CNTNAP4: variants seen among roughly 807,000 people sequenced by gnomAD.
The protein encoded by CNTNAP4 is contactin-associated protein-like 4.
A neutral mutation model predicts 148.4 loss-of-function variants in CNTNAP4; 98 were observed. The ratio of observed to expected loss-of-function variants is 0.66; its 90% confidence interval spans 0.56 to 0.78. The LOEUF (loss-of-function observed/expected upper bound fraction) is 0.78, where lower values mean the gene tolerates loss of function less well. Ranked by LOEUF, CNTNAP4 falls within the 30% of genes least tolerant of loss-of-function variation. The pLI is 0.00. For missense variants in CNTNAP4, 1,935 were observed against 1,565.6 expected (o/e 1.24, Z -3.98); for synonymous variants, 730 against 565.1 (o/e 1.29, Z -4.14).
chr16:76,318,951 A>G (rs564397339), intron 2 of CNTNAP4, among the ~76,000 whole-genome samples: 11 of 152,070 alleles, frequency 7.2e-5, no homozygotes, highest in Admixed American at 7.2e-4. Context: ...CTTCTTTCCT[A>G]CAGAATTATG....
At chr16:76,342,485 T>A (rs1964552668) in intron 2 of CNTNAP4, among the ~76,000 whole-genome samples, 1 of 142,812 alleles carries the variant, frequency 7.0e-6, no homozygotes, top group Non-Finnish European at 1.5e-5. Flanking sequence ...TTTTTTTTTT[T>A]TTTTTGAGAT....
At chr16:76,311,306 T>G (rs1467977910) in intron 1 of CNTNAP4, among the ~76,000 whole-genome samples, 1 of 152,148 alleles carries the variant, frequency 6.6e-6, no homozygotes, top group Admixed American at 6.6e-5. Context: ...TGAGTTTTTT[T>G]GTATATACAA....
At chr16:76,403,164 C>T (rs1266949154) in intron 3 of CNTNAP4, among the ~76,000 whole-genome samples, 1 of 151,524 alleles carries the variant, frequency 6.6e-6, no homozygotes, top group African/African-American at 2.4e-5. Context: ...GCGATCTCGA[C>T]TCACTGCAAG....
intron 4 of CNTNAP4, among the ~76,000 whole-genome samples, chr16:76,428,004 C>CA (rs1195134353): frequency 2.0e-5 from 3 of 151,884 alleles, no homozygotes; most frequent in African/African-American, 7.3e-5. Context: ...GTTATGAAAC[C>CA]AAAAAATATT....
chr16:76,399,516 ATTC>A (rs2078328037), intron 3 of CNTNAP4, among the ~76,000 whole-genome samples: 2 of 152,212 alleles, frequency 1.3e-5, no homozygotes, highest in South Asian at 2.1e-4. Flanking sequence ...GTTTGGGGAT[ATTC>A]TTATGAGATT....
chr16:76,326,008 T>A (rs968171647), intron 2 of CNTNAP4, among the ~76,000 whole-genome samples: 3 of 152,196 alleles, frequency 2.0e-5, no homozygotes, highest in Non-Finnish European at 4.4e-5. Context: ...AACTACAAGT[T>A]AATATGCCTT....
intron 3 of CNTNAP4, among the ~76,000 whole-genome samples, chr16:76,360,869 T>C (rs933429932): frequency 2.1e-4 from 30 of 144,170 alleles, no homozygotes; most frequent in African/African-American, 6.8e-4. Flanking sequence ...CAGGCTGGAG[T>C]GCAGTGGCAC....
intron 3 of CNTNAP4, among the ~76,000 whole-genome samples, chr16:76,417,199 T>G (rs1357304622): frequency 6.6e-6 from 1 of 151,506 alleles, no homozygotes; most frequent in East Asian, 1.9e-4. Context: ...TTGCTCACTT[T>G]TCAAGTGATT....
intron 3 of CNTNAP4, among the ~76,000 whole-genome samples, chr16:76,357,341 A>G (rs934434352): frequency 2.0e-5 from 3 of 152,190 alleles, no homozygotes; most frequent in Non-Finnish European, 4.4e-5. Context: ...CAATCAGGAA[A>G]ATTGTTGTAC....
intron 15 of CNTNAP4, among the ~76,000 whole-genome samples, chr16:76,499,235 G>A (rs1437878274): frequency 6.6e-6 from 1 of 151,694 alleles, no homozygotes; most frequent in Non-Finnish European, 1.5e-5. Flanking sequence ...CTATCTGAAG[G>A]CTACTATCAT....
intron 8 of CNTNAP4, among the ~76,000 whole-genome samples, chr16:76,460,773 A>AAATAAATATAT: frequency 1.7e-5 from 1 of 57,324 alleles, no homozygotes; most frequent in African/African-American, 6.4e-5. Context: ...AAAAAAAAAA[A>AAATAAATATAT]ATATATATAT....
intron 3 of CNTNAP4, among the ~76,000 whole-genome samples, chr16:76,386,524 A>C (rs148774328): frequency 6.6e-6 from 1 of 152,332 alleles, no homozygotes; most frequent in African/African-American, 2.4e-5. Flanking sequence ...TATTTAGAGC[A>C]GTGAGAGCTG....
At chr16:76,350,350 C>G (rs1280724347) in intron 2 of CNTNAP4, among the ~76,000 whole-genome samples, 1 of 151,526 alleles carries the variant, frequency 6.6e-6, no homozygotes, top group East Asian at 1.9e-4. Context: ...TGTTTTTTTT[C>G]TTTTTAAAAG....
intron 17 of CNTNAP4, among the ~76,000 whole-genome samples, chr16:76,525,255 A>G (rs1025776420): frequency 1.3e-5 from 2 of 151,992 alleles, no homozygotes; most frequent in Non-Finnish European, 2.9e-5. Context: ...TGAAAAGTTT[A>G]TACTGAATTA....
chr16:76,496,642 AAC>A (rs2082411663), intron 14 of CNTNAP4, among the ~76,000 whole-genome samples: 1 of 152,180 alleles, frequency 6.6e-6, no homozygotes. Flanking sequence ...TGAACTATCA[AAC>A]CAAACAATGG....
At chr16:76,461,150 C>T (rs566171414) in intron 8 of CNTNAP4, among the ~76,000 whole-genome samples, 75 of 152,208 alleles carry the variant, frequency 4.9e-4, no homozygotes, top group Middle Eastern at 3.4e-3. Context: ...TGCTAGACAA[C>T]AGTTCAGCAT....
chr16:76,551,586 C>T (rs1322484699), intron 21 of CNTNAP4, among the ~76,000 whole-genome samples: 1 of 152,052 alleles, frequency 6.6e-6, no homozygotes, highest in Non-Finnish European at 1.5e-5. Context: ...ATTTGGAATA[C>T]AGTAGGCCAG....
At chr16:76,521,035 A>T in intron 15 of CNTNAP4, 105 bp from the exon 16 acceptor site, 1 of 1,087,030 alleles carries the variant, frequency 9.2e-7, no homozygotes, top group Non-Finnish European at 1.3e-6. Flanking sequence ...ATAACATTTT[A>T]AATAGCAAAA....
At chr16:76,338,118 A>T (rs779664119) in intron 2 of CNTNAP4, among the ~76,000 whole-genome samples, 143 of 152,362 alleles carry the variant, frequency 9.4e-4, no homozygotes, top group Non-Finnish European at 1.9e-3. Flanking sequence ...ATAAGAAATT[A>T]TAAGAGTATC....
Sources: allele counts gnomAD v4.1 joint callset (sites outside exome capture counted in the v4.1 genomes callset), GRCh38; gene constraint gnomAD v4.1.1; transcripts MANE v1.5; gene names NCBI Gene and HGNC (gene_info 2026-07-23, HGNC 2026-07-21).